PCDHA6: variants seen among roughly 807,000 people sequenced by gnomAD.
The protein encoded by PCDHA6 is protocadherin alpha 6, also known as protocadherin alpha-6.
PCDHA6 carries 55 observed loss-of-function variants against 60.3 expected under a neutral mutation model. The ratio of observed to expected loss-of-function variants is 0.91; its 90% CI spans 0.73 to 1.14. The LOEUF (loss-of-function observed/expected upper bound fraction) is 1.14. Among genes scored for constraint, PCDHA6 ranks in the 50% most tolerant of loss-of-function variants. The pLI, the probability that PCDHA6 is intolerant of heterozygous loss-of-function variation, is 0.00. For missense variants in PCDHA6, 1,327 were observed against 1,256.5 expected (o/e 1.06, Z -0.85); for synonymous variants, 652 against 557.9 (o/e 1.17, Z -2.38).
Position 140,861,540 on chromosome 5 carries a change from C to T in PCDHA6, c.2394+31055C>T, listed in dbSNP as rs78647999. On this transcript the variant is annotated intron_variant, in intron 1 of 3. Coordinates refer to ENST00000529310, the MANE Select transcript of PCDHA6 (RefSeq NM_018909.4). ...TGGGAGGATCTCGGAGTGCAGCATC[C>T]ACCTGGAAGTGATCGTGGACAAGCT... is the stretch of plus-strand genomic sequence containing the variant. 502 of 425,826 alleles carry T rather than the reference C, an allele frequency of 1.2e-3. 2 individuals are homozygous for T. The highest frequency in any genetic ancestry group is 9.5e-3 in the African/African-American group (465 of 48,884). 26.4% of individuals were successfully genotyped at this position (425,826 alleles called of 1,614,324 possible).
chr5:140,841,338 G>A (rs2150313822), intron 1 of PCDHA6: 3 of 1,611,372 alleles, frequency 1.9e-6, no homozygotes, highest in South Asian at 2.2e-5. Flanking sequence ...TATCACTGGC[G>A]AGGAGAGCTG....
intron 1 of PCDHA6, chr5:140,877,110 C>A (rs1554169339): frequency 1.1e-5 from 18 of 1,613,500 alleles, no homozygotes; most frequent in Middle Eastern, 1.7e-4. Flanking sequence ...CGCCTCTGGG[C>A]AGCAACGTGA....
At chr5:140,918,823 C>T (rs2078875594) in intron 1 of PCDHA6, among the ~76,000 whole-genome samples, 2 of 11,382 alleles carry the variant, frequency 1.8e-4, no homozygotes, top group African/African-American at 5.2e-3. Context: ...AAAAAGTGGC[C>T]CCCTCCCCAG....
At chr5:140,839,159 T>C (rs781039323) in intron 1 of PCDHA6, among the ~76,000 whole-genome samples, 1 of 96,652 alleles carries the variant, frequency 1.0e-5, no homozygotes, top group Admixed American at 9.7e-5. Flanking sequence ...GCTGCTCTTG[T>C]TGAAAGATAT....
intron 1 of PCDHA6, chr5:140,856,990 T>C: frequency 6.3e-7 from 1 of 1,595,350 alleles, no homozygotes; most frequent in Non-Finnish European, 8.6e-7. Flanking sequence ...ACAGTAACAC[T>C]TATGAAATTC....
intron 1 of PCDHA6, among the ~76,000 whole-genome samples, chr5:140,921,213 G>A (rs759293646): frequency 1.3e-5 from 2 of 151,378 alleles, no homozygotes; most frequent in East Asian, 1.9e-4. Context: ...GATAATTCAC[G>A]TCTTTTTTGC....
At chr5:140,976,782 A>G (rs1209900673) in intron 1 of PCDHA6, among the ~76,000 whole-genome samples, 1 of 152,212 alleles carries the variant, frequency 6.6e-6, no homozygotes, top group African/African-American at 2.4e-5. Flanking sequence ...CTGACTATAT[A>G]GCTACGCTTT....
chr5:141,002,335 ACC>A (rs1554258611), intron 3 of PCDHA6, among the ~76,000 whole-genome samples: 81 of 152,230 alleles, frequency 5.3e-4, no homozygotes, highest in African/African-American at 2.0e-3. Flanking sequence ...CTGCATCCGC[ACC>A]CCTTCCCCCA....
intron 1 of PCDHA6, among the ~76,000 whole-genome samples, chr5:140,959,063 A>G (rs190067147): frequency 2.0e-5 from 3 of 152,292 alleles, no homozygotes; most frequent in Admixed American, 2.0e-4. Flanking sequence ...TGCAGTATAT[A>G]TAGAATTCAG....
chr5:140,906,957 G>T (rs1301709159), intron 1 of PCDHA6, among the ~76,000 whole-genome samples: 2 of 152,144 alleles, frequency 1.3e-5, no homozygotes, highest in Admixed American at 6.5e-5. Flanking sequence ...CCAGTTTAAT[G>T]GAATCGTGGT....
intron 1 of PCDHA6, among the ~76,000 whole-genome samples, chr5:140,911,559 C>T (rs2075532280): frequency 6.6e-6 from 1 of 152,168 alleles, no homozygotes; most frequent in Non-Finnish European, 1.5e-5. Flanking sequence ...CATTTTCTTT[C>T]ATCACTTTGT....
At chr5:141,002,232 A>G (rs2098067070) in intron 3 of PCDHA6, among the ~76,000 whole-genome samples, 2 of 152,226 alleles carry the variant, frequency 1.3e-5, no homozygotes, top group African/African-American at 4.8e-5. Flanking sequence ...GTTTTCTGGA[A>G]GCTCTTTATT....
At chr5:140,838,413 C>G (rs1304271115) in intron 1 of PCDHA6, among the ~76,000 whole-genome samples, 1 of 151,456 alleles carries the variant, frequency 6.6e-6, no homozygotes, top group East Asian at 1.9e-4. Flanking sequence ...AGTGAGCCAC[C>G]GCATCCGGCC....
At chr5:140,884,066 G>C in intron 1 of PCDHA6, 3 of 1,613,514 alleles carry the variant, frequency 1.9e-6, no homozygotes, top group Non-Finnish European at 2.5e-6. Flanking sequence ...GGTGGACGCC[G>C]ATTCGGGCTA....
chr5:140,836,416 C>T (rs2150260250), intron 1 of PCDHA6: 62 of 1,613,794 alleles, frequency 3.8e-5, no homozygotes, highest in Non-Finnish European at 5.0e-5. Context: ...GCACCAAAGG[C>T]GTCGTCGCGG....
At chr5:140,927,089 TC>T in intron 1 of PCDHA6, 1 of 1,612,460 alleles carries the variant, frequency 6.2e-7, no homozygotes, top group Non-Finnish European at 8.5e-7. Context: ...GAGCTCTACT[TC>T]GGGGTGGATC....
At chr5:140,898,899 C>A (rs1457821018) in intron 1 of PCDHA6, among the ~76,000 whole-genome samples, 2 of 152,072 alleles carry the variant, frequency 1.3e-5, no homozygotes, top group Non-Finnish European at 2.9e-5. Context: ...TTGAAGAGGT[C>A]CTTCACGTCC....
At chr5:140,844,971 G>A (rs2150375443) in intron 1 of PCDHA6, among the ~76,000 whole-genome samples, 3 of 149,220 alleles carry the variant, frequency 2.0e-5, no homozygotes, top group Admixed American at 6.7e-5. Context: ...TTTGTTATTA[G>A]TATTGTTTTA....
chr5:140,863,505 C>A, intron 1 of PCDHA6: 1 of 421,530 alleles, frequency 2.4e-6, no homozygotes. Flanking sequence ...GGCTTTTAGT[C>A]CTAGTGTTCT....
Sources: gnomAD v4.1 joint callset for allele counts (sites outside exome capture counted in the v4.1 genomes callset) on GRCh38, gnomAD v4.1.1 for gene constraint, MANE v1.5 for transcripts, NCBI Gene and HGNC (gene_info 2026-07-23, HGNC 2026-07-21) for gene names.